The following AGBL4 variants were observed in gnomAD, a reference collection of about 807,000 sequenced individuals.
The protein encoded by AGBL4 is AGBL carboxypeptidase 4.
A neutral mutation model predicts 66.4 loss-of-function variants in AGBL4; 58 were observed. That is an observed-to-expected ratio of 0.87 (90% CI 0.71 to 1.09). AGBL4 has a LOEUF of 1.09. Among genes scored for constraint, AGBL4 ranks in the 50% least tolerant of loss-of-function variants. The probability of loss-of-function intolerance (pLI) is 0.00; values close to 1 mark genes in which losing one functional copy is unlikely to be tolerated. For missense variants in AGBL4, 579 were observed against 631.0 expected, an observed-to-expected ratio of 0.92 and a Z score of 0.88; for synonymous variants, 234 against 222.9, an observed-to-expected ratio of 1.05 and a Z score of -0.44.
At chr1:49,054,438 T>G (rs570023789) in intron 4 of AGBL4, among the ~76,000 whole-genome samples, 1 of 152,138 alleles carries the variant, frequency 6.6e-6, no homozygotes, top group South Asian at 2.1e-4. Context: ...TGAATACAAT[T>G]GGTATTTTTT....
At chr1:49,734,307 G>A (rs1649692728) in intron 2 of AGBL4, among the ~76,000 whole-genome samples, 2 of 151,546 alleles carry the variant, frequency 1.3e-5, no homozygotes, top group Non-Finnish European at 2.9e-5. Flanking sequence ...GAGACAGAGA[G>A]ACAGAGAGAG....
At position 49,176,643 on chromosome 1, in the gene AGBL4, G is replaced by A. The variant is rs368804547; in HGVS notation, c.377+69127C>T. On this transcript the variant is annotated intron_variant, in intron 4 of 13. Transcript: ENST00000371839. ...AGATGATAGAACACATGGACTTTGC[G>A]CAAACTGCTTCTAATGAGAGTTATT... Among the ~76,000 whole-genome samples, 61 of 152,180 alleles carry A rather than the reference G, an allele frequency of 4.0e-4. 1 individual carries two copies. In the South Asian group the frequency reaches 9.7e-3, roughly 24 times the overall value.
chr1:49,266,011 G>A (rs991023745), intron 3 of AGBL4: 13 of 152,064 alleles, frequency 8.5e-5, no homozygotes, highest in Admixed American at 6.5e-4. Flanking sequence ...CATGGAGTCT[G>A]GATAATCACT....
At chr1:49,721,653 G>A (rs1648620795) in intron 2 of AGBL4, among the ~76,000 whole-genome samples, 1 of 152,048 alleles carries the variant, frequency 6.6e-6, no homozygotes, top group East Asian at 1.9e-4. Context: ...AATGAGACTT[G>A]TAAAAAGCTT....
At chr1:49,155,676 C>A (rs1457367421) in intron 4 of AGBL4, among the ~76,000 whole-genome samples, 1 of 152,124 alleles carries the variant, frequency 6.6e-6, no homozygotes, top group Non-Finnish European at 1.5e-5. Flanking sequence ...TGTCAGGGGG[C>A]ATCTTCTCAG....
Position 49,216,045 on chromosome 1 carries a change from C to T in AGBL4, c.377+29725G>A, listed in dbSNP as rs1172222098. Among the ~76,000 whole-genome samples the T allele has an allele frequency of 2.0e-5, 3 of 152,046 alleles. 1 individual carries two copies. The highest frequency in any genetic ancestry group is 7.2e-5 in the African/African-American group (3 of 41,410). On this transcript the variant is annotated intron_variant, in intron 4 of 13. Coordinates refer to ENST00000371839, the MANE Select transcript of AGBL4 (RefSeq NM_032785.4). ...ACTTTGCCAGTATCAATTCTAGGTT[C>T]TGGAAGCACAAATATGACTTAAGAT...
chr1:49,827,470 C>A (rs1645541562), intron 2 of AGBL4, among the ~76,000 whole-genome samples: 1 of 152,052 alleles, frequency 6.6e-6, no homozygotes, highest in African/African-American at 2.4e-5. Context: ...GAAAGCTGTC[C>A]ATTTTAAAAT....
intron 2 of AGBL4, among the ~76,000 whole-genome samples, chr1:49,769,911 T>C (rs933821999): frequency 2.0e-5 from 3 of 152,162 alleles, no homozygotes; most frequent in African/African-American, 7.2e-5. Context: ...TGGCAAAGAA[T>C]TCATGACTAA....
At chr1:49,083,258 G>A (rs1238561565) in intron 4 of AGBL4, among the ~76,000 whole-genome samples, 1 of 152,200 alleles carries the variant, frequency 6.6e-6, no homozygotes, top group Non-Finnish European at 1.5e-5. Flanking sequence ...TGGGGACTCT[G>A]CGTTGGGACT....
At chr1:49,913,773 G>C (rs1651102089) in intron 1 of AGBL4, among the ~76,000 whole-genome samples, 1 of 152,242 alleles carries the variant, frequency 6.6e-6, no homozygotes, top group South Asian at 2.1e-4. Flanking sequence ...ATGACACCAA[G>C]GTTTATGGCA....
chr1:49,844,246 C>G (rs1157315179), intron 2 of AGBL4, among the ~76,000 whole-genome samples: 1 of 152,096 alleles, frequency 6.6e-6, no homozygotes, highest in East Asian at 1.9e-4. Context: ...CCCCATGCAG[C>G]ACCTTTTTCT....
intron 1 of AGBL4, among the ~76,000 whole-genome samples, chr1:49,975,432 G>A (rs945995271): frequency 3.3e-5 from 5 of 152,160 alleles, no homozygotes; most frequent in Non-Finnish European, 5.9e-5. Flanking sequence ...AAAGGCTTGA[G>A]TACATCAGAT....
chr1:49,124,302 T>C (rs998583971), intron 4 of AGBL4, among the ~76,000 whole-genome samples: 1 of 152,166 alleles, frequency 6.6e-6, no homozygotes, highest in Non-Finnish European at 1.5e-5. Flanking sequence ...ATCAGCAGAA[T>C]GAAGAACAGA....
At chr1:49,475,204 T>C (rs1378768858) in intron 3 of AGBL4, among the ~76,000 whole-genome samples, 1 of 152,040 alleles carries the variant, frequency 6.6e-6, no homozygotes, top group Non-Finnish European at 1.5e-5. Context: ...TCTTATGGGT[T>C]TTGTTTTTAA....
At chr1:49,671,306 T>C (rs1168443165) in intron 3 of AGBL4, among the ~76,000 whole-genome samples, 1 of 152,182 alleles carries the variant, frequency 6.6e-6, no homozygotes, top group Non-Finnish European at 1.5e-5. Flanking sequence ...GCTAGACCCC[T>C]TCCTTACACT....
chr1:49,840,352 T>C (rs191229420), intron 2 of AGBL4, among the ~76,000 whole-genome samples: 29 of 152,304 alleles, frequency 1.9e-4, no homozygotes, highest in Non-Finnish European at 7.4e-5. Context: ...TAAGTGGATA[T>C]TTTTTTCTTT....
chr1:49,677,330 T>A lies in AGBL4; in HGVS notation c.282+19983A>T, dbSNP rs140545827. Reference sequence around the variant, plus strand: ...AATAGGTGTTGAATTTTGCCAATACTTTTTCTGCATCAACTGATATGATCA... The same window carrying A: ...AATAGGTGTTGAATTTTGCCAATACATTTTCTGCATCAACTGATATGATCA... On this transcript the variant is annotated intron_variant, in intron 3 of 13. Coordinates refer to ENST00000371839, the MANE Select transcript of AGBL4 (RefSeq NM_032785.4). Among the ~76,000 whole-genome samples the A allele has an allele frequency of 1.1e-3, 165 of 152,266 alleles. 2 individuals carry two copies. The Middle Eastern group carries it at 0.017, about 16-fold the overall frequency.
chr1:49,424,188 T>C (rs80066363), intron 3 of AGBL4, among the ~76,000 whole-genome samples: 1,655 of 152,298 alleles, frequency 0.011, 25 homozygotes, highest in African/African-American at 0.038. Context: ...TCCAACACTT[T>C]AGCAGTTCAT....
intron 6 of AGBL4, among the ~76,000 whole-genome samples, chr1:48,813,030 C>T (rs961476205): frequency 2.0e-5 from 3 of 151,914 alleles, no homozygotes; most frequent in African/African-American, 7.3e-5. Context: ...TTAATGGGTG[C>T]AGCACACCAA....
Sources: allele counts gnomAD v4.1 joint callset (sites outside exome capture counted in the v4.1 genomes callset), GRCh38; gene constraint gnomAD v4.1.1; transcripts MANE v1.5; gene names NCBI Gene and HGNC (gene_info 2026-07-23, HGNC 2026-07-21).